Variants in ART3 observed in about 807,000 individuals in gnomAD.
ART3 encodes the protein ADP-ribosyltransferase 3 (inactive), also known as ecto-ADP-ribosyltransferase 3.
A neutral mutation model predicts 48.5 loss-of-function variants in ART3; 49 were observed. The ratio of observed to expected loss-of-function variants is 1.01; its 90% CI spans 0.80 to 1.28. The LOEUF is 1.28. ART3 is among the 50% of genes most tolerant of loss of function. The pLI, the probability that ART3 is intolerant of heterozygous loss-of-function variation, is 0.00. For missense variants in ART3, 438 were observed against 454.3 expected, an observed-to-expected ratio of 0.96 and a Z score of 0.33; for synonymous variants, 145 against 157.2, an observed-to-expected ratio of 0.92 and a Z score of 0.58.
intron 1 of ART3, among the ~76,000 whole-genome samples, chr4:76,048,222 A>G (rs976328743): frequency 2.0e-5 from 3 of 151,872 alleles, no homozygotes; most frequent in Admixed American, 2.0e-4. Flanking sequence ...CCCTCAATGA[A>G]AAGAAAGCTT....
At chr4:76,034,976 A>G (rs1341135733) in intron 1 of ART3, 45 of 1,462,120 alleles carry the variant, frequency 3.1e-5, no homozygotes, top group Non-Finnish European at 4.0e-5. Context: ...AGTTGTCCAC[A>G]TTATTTTCTT....
At chr4:76,071,880 A>G (rs1246946971), upstream of ART3, among the ~76,000 whole-genome samples, 1 of 152,122 alleles carries the variant, frequency 6.6e-6, no homozygotes, top group Non-Finnish European at 1.5e-5. Context: ...TCAATCTTCA[A>G]ATTATATCCT....
chr4:76,076,025 G>A (rs1447603401), intron 2 of ART3, 67 bp downstream of exon 2: 20 of 1,326,042 alleles, frequency 1.5e-5, no homozygotes, highest in East Asian at 2.4e-5. Flanking sequence ...TTTTTGAGAC[G>A]GAGTCTCTCT....
intron 1 of ART3, among the ~76,000 whole-genome samples, chr4:76,075,449 A>G (rs1720841114): frequency 6.6e-6 from 1 of 152,184 alleles, no homozygotes; most frequent in Non-Finnish European, 1.5e-5. Context: ...GTGCATGGAC[A>G]TATTCCTGGG....
At chr4:76,032,676 C>G (rs1236906729) in intron 1 of ART3, among the ~76,000 whole-genome samples, 1 of 150,534 alleles carries the variant, frequency 6.6e-6, no homozygotes, top group African/African-American at 2.4e-5. Context: ...CCTCTGCCTC[C>G]CGGGTTCAAG....
intron 11 of ART3, chr4:76,112,105 A>G (rs1729605253): frequency 3.1e-6 from 1 of 325,260 alleles, no homozygotes; most frequent in South Asian, 7.4e-5. Flanking sequence ...ATGGTAGGCT[A>G]TTAGTAGTTA....
At chr4:76,094,455 G>A (rs899402703) in intron 3 of ART3, among the ~76,000 whole-genome samples, 1 of 152,272 alleles carries the variant, frequency 6.6e-6, no homozygotes, top group Admixed American at 6.5e-5. Flanking sequence ...CTTGTTGTGT[G>A]CATGGTAATT....
chr4:76,089,434 C>T (rs1220696652), intron 3 of ART3, among the ~76,000 whole-genome samples: 1 of 152,122 alleles, frequency 6.6e-6, no homozygotes, highest in East Asian at 1.9e-4. Context: ...CTCACAACAT[C>T]TGGTTGTTTA....
Position 76,081,809 on chromosome 4 carries a change from C to T in ART3, c.70-15C>T. Reference sequence around the variant, plus strand: ...TTTCTTATTTCAAGAGTATTAATTTCTTTTTCCTTTGAAGGTGAAGGCTGA... The same window carrying T: ...TTTCTTATTTCAAGAGTATTAATTTTTTTTTCCTTTGAAGGTGAAGGCTGA... On this transcript the variant is annotated splice_polypyrimidine_tract_variant and intron_variant, in intron 2 of 11. Coordinates refer to ENST00000355810, the MANE Select transcript of ART3 (RefSeq NM_001130016.3). 1 of 1,590,932 alleles carries T rather than the reference C, an allele frequency of 6.3e-7. No individual in the cohort carries two copies. The highest frequency in any genetic ancestry group is 8.6e-7 in the Non-Finnish European group (1 of 1,166,356).
chr4:76,012,841 A>G (rs1444177008), intron 1 of ART3, among the ~76,000 whole-genome samples: 4 of 152,266 alleles, frequency 2.6e-5, no homozygotes. Context: ...AAACATGTTT[A>G]TACTTAAAAT....
chr4:76,106,263 T>C (rs1728447889), intron 10 of ART3: 1 of 985,306 alleles, frequency 1.0e-6, no homozygotes, highest in African/African-American at 1.7e-5. Context: ...AATTGGTATT[T>C]GGCTTCAAAG....
At chr4:76,073,181 T>C (rs912506062), upstream of ART3, among the ~76,000 whole-genome samples, 4 of 152,216 alleles carry the variant, frequency 2.6e-5, no homozygotes, top group Non-Finnish European at 5.9e-5. Flanking sequence ...CCTAGCACAT[T>C]TTAAGGACTC....
chr4:76,078,040 T>C (rs1721522866), intron 2 of ART3, among the ~76,000 whole-genome samples: 1 of 152,192 alleles, frequency 6.6e-6, no homozygotes, highest in African/African-American at 2.4e-5. Context: ...TTCCATATTT[T>C]TGTAAGAAAT....
chr4:76,041,353 G>C (rs1712341939), intron 1 of ART3: 1 of 152,138 alleles, frequency 6.6e-6, no homozygotes. Context: ...GGTTTTTCTA[G>C]CATGAAAATG....
intron 1 of ART3, chr4:76,023,276 G>T: frequency 1.0e-6 from 1 of 983,142 alleles, no homozygotes; most frequent in Non-Finnish European, 1.6e-6. Flanking sequence ...AGCATGCAGT[G>T]AAACTTTTAC....
chr4:76,065,581 G>A (rs371954758), intron 1 of ART3, among the ~76,000 whole-genome samples: 5 of 64,194 alleles, frequency 7.8e-5, no homozygotes, highest in Admixed American at 1.8e-4. Flanking sequence ...ACACACACTC[G>A]TTGAAATCAT....
intron 1 of ART3, chr4:76,034,706 G>C: frequency 2.0e-6 from 2 of 1,015,476 alleles, no homozygotes; most frequent in South Asian, 1.4e-5. Flanking sequence ...TCCTACTGTA[G>C]AATTCTTGTC....
intron 1 of ART3, chr4:76,035,390 A>G (rs199944656): frequency 1.9e-6 from 3 of 1,595,656 alleles, no homozygotes; most frequent in Admixed American, 3.5e-5. Context: ...ATTGCAACAG[A>G]TGGCTGTGGT....
At chr4:76,065,490 G>T (rs1719641111) in intron 1 of ART3, among the ~76,000 whole-genome samples, 1 of 150,756 alleles carries the variant, frequency 6.6e-6, no homozygotes, top group Non-Finnish European at 1.5e-5. Flanking sequence ...CTCATTAATG[G>T]TATAATGAAA....
Sources: gnomAD v4.1 joint callset for allele counts (sites outside exome capture counted in the v4.1 genomes callset) on GRCh38, gnomAD v4.1.1 for gene constraint, MANE v1.5 for transcripts, NCBI Gene and HGNC (gene_info 2026-07-23, HGNC 2026-07-21) for gene names.